The following CDC14A variants were observed in gnomAD, a reference collection of about 807,000 sequenced individuals.
CDC14A encodes the protein cell division cycle 14A.
CDC14A carries 53 observed loss-of-function variants against 74.4 expected under a neutral mutation model. That is an observed-to-expected ratio of 0.71 (90% confidence interval 0.57 to 0.89). The LOEUF (loss-of-function observed/expected upper bound fraction) is 0.89, where lower values mean the gene tolerates loss of function less well. CDC14A is among the 40% of genes least tolerant of loss of function. CDC14A has a pLI of 0.00. For missense variants in CDC14A, 646 were observed against 713.7 expected (o/e 0.91, Z 1.08); for synonymous variants, 247 against 258.4 (o/e 0.96, Z 0.43).
At chr1:100,490,563 C>T (rs1670507592) in intron 11 of CDC14A, among the ~76,000 whole-genome samples, 1 of 152,106 alleles carries the variant, frequency 6.6e-6, no homozygotes, top group Non-Finnish European at 1.5e-5. Flanking sequence ...ATGTGGTTTC[C>T]CGTACCCTAA....
intron 3 of CDC14A, among the ~76,000 whole-genome samples, chr1:100,381,925 A>G (rs1366418365): frequency 6.6e-6 from 1 of 152,220 alleles, no homozygotes; most frequent in Non-Finnish European, 1.5e-5. Context: ...ACAATTTGTT[A>G]AACTGTGTAT....
intron 5 of CDC14A, among the ~76,000 whole-genome samples, chr1:100,427,812 G>T (rs569055892): frequency 6.6e-6 from 1 of 152,268 alleles, no homozygotes; most frequent in East Asian, 1.9e-4. Flanking sequence ...TACATGTATA[G>T]GTGTGTAAAA....
At chr1:100,478,760 G>A (rs1029925926) in intron 10 of CDC14A, among the ~76,000 whole-genome samples, 6 of 152,120 alleles carry the variant, frequency 3.9e-5, no homozygotes, top group African/African-American at 1.4e-4. Flanking sequence ...AAATTCCCCT[G>A]TTCTACTTTA....
chr1:100,390,747 A>G lies in CDC14A; in HGVS notation c.232A>G (p.Arg78Gly), dbSNP rs755875156. Residue 78 changes from arginine (R) to glycine (G), a missense_variant, in exon 4 of 16, where the codon AGA (arginine) becomes GGA (glycine). By Grantham distance (125) the Arg-to-Gly change is moderately radical (BLOSUM62 -2). Coordinates refer to ENST00000336454, the MANE Select transcript of CDC14A (RefSeq NM_003672.4). The part of the protein sequence containing the change: ...NKKLKSYSLS[R>G]KKIVHYTCFD... The stretch of plus-strand genomic sequence containing the variant: ...CTCTTTCTAGTCATACAGTTTGTCA[A>G]GAAAGAAAATAGTGCACTACACCTG... 6.2e-7 allele frequency: 1 copy of G among 1,611,300 alleles called. No individual in the cohort carries two copies. The highest frequency in any genetic ancestry group is 8.5e-7 in the Non-Finnish European group (1 of 1,177,872).
rs371753966 is a variant in CDC14A at position 100,465,671 on chromosome 1, A to T, written c.839-2285A>T. Among the ~76,000 whole-genome samples the T allele has an allele frequency of 1.8e-4, 27 of 152,368 alleles. 1 individual carries two copies. The highest frequency in any genetic ancestry group is 6.0e-4 in the African/African-American group (25 of 41,586). On this transcript the variant is annotated intron_variant, in intron 9 of 15. Transcript: ENST00000336454. ...CGTAAAGTATTTTATACAGAGATAAACTAGAAACCAATTTGCTGGGGATTA... is the reference window on the plus strand; with the variant it reads ...CGTAAAGTATTTTATACAGAGATAATCTAGAAACCAATTTGCTGGGGATTA...
rs547849490 is a variant in CDC14A, at chr1:100,519,816, AAT to A, written c.*1539_*1540del. The A allele has an allele frequency of 9.8e-5, 15 of 152,680 alleles. No individual in the cohort carries two copies. In the South Asian group the frequency reaches 2.9e-3, roughly 29 times the overall value. 9.5% of individuals were successfully genotyped at this position (152,680 alleles called of 1,614,324 possible). The stretch of plus-strand genomic sequence containing the variant: ...ATCTTTTCTAAAGTTAAAAAAGTAA[AAT>A]ATTTTATTATGAGTTATTATAAAAA... On this transcript the variant is annotated 3_prime_UTR_variant, in exon 16 of 16. Transcript: ENST00000336454.
intron 4 of CDC14A, among the ~76,000 whole-genome samples, chr1:100,405,327 A>T (rs1381705429): frequency 6.6e-6 from 1 of 152,028 alleles, no homozygotes; most frequent in East Asian, 1.9e-4. Flanking sequence ...TGCTTTGCAC[A>T]CTCGCCCTTG....
chr1:100,365,635 G>C (rs1234353560), intron 2 of CDC14A, among the ~76,000 whole-genome samples: 1 of 152,184 alleles, frequency 6.6e-6, no homozygotes, highest in East Asian at 1.9e-4. Flanking sequence ...AGACTGCTGT[G>C]TGTGTGGGAA....
chr1:100,375,302 A>G (rs886642354), intron 2 of CDC14A, among the ~76,000 whole-genome samples: 2 of 152,220 alleles, frequency 1.3e-5, no homozygotes, highest in Non-Finnish European at 2.9e-5. Context: ...TCAGGAGATA[A>G]GGTCAGCCTG....
intron 5 of CDC14A, among the ~76,000 whole-genome samples, chr1:100,431,793 T>C (rs1474974529): frequency 6.6e-6 from 1 of 151,548 alleles, no homozygotes; most frequent in African/African-American, 2.4e-5. Context: ...GAGGCTGCAG[T>C]GAGTTATGAT....
In CDC14A at chr1:100,413,496, T is replaced by C. The variant is rs1661135437; in HGVS notation, c.310-10726T>C. On this transcript the variant is annotated intron_variant, in intron 4 of 15. Coordinates refer to ENST00000336454, the MANE Select transcript of CDC14A (RefSeq NM_003672.4). ...AATTTTAATTTTAAAAACAATTCTATGTACAGTTCCTTAAGTATATACTCT... is the reference window on the plus strand; with the variant it reads ...AATTTTAATTTTAAAAACAATTCTACGTACAGTTCCTTAAGTATATACTCT... Among the ~76,000 whole-genome samples, 3 of 152,244 alleles carry C rather than the reference T, an allele frequency of 2.0e-5. No individual in the cohort carries two copies. In the South Asian group the frequency reaches 6.2e-4, roughly 32 times the overall value.
At chr1:100,384,599 A>G (rs973852592) in intron 3 of CDC14A, among the ~76,000 whole-genome samples, 1 of 152,130 alleles carries the variant, frequency 6.6e-6, no homozygotes, top group African/African-American at 2.4e-5. Context: ...CACAACAGCT[A>G]CTCAATTCAT....
chr1:100,408,333 T>C (rs940089807), intron 4 of CDC14A, among the ~76,000 whole-genome samples: 11 of 152,228 alleles, frequency 7.2e-5, no homozygotes, highest in Non-Finnish European at 1.5e-4. Context: ...GGTATTTAGG[T>C]TGATTCCGTG....
rs116871739 is a variant in CDC14A, at chr1:100,415,020, T to C, written c.310-9202T>C. Among the ~76,000 whole-genome samples the C allele has an allele frequency of 4.6e-5, 7 of 152,192 alleles. No individual in the cohort carries two copies. The East Asian group carries it at 9.7e-4, about 21-fold the overall frequency. On this transcript the variant is annotated intron_variant, in intron 4 of 15. Coordinates refer to ENST00000336454, the MANE Select transcript of CDC14A (RefSeq NM_003672.4). ...ACTCACCTCAGGCAGAAGAGAAGCA[T>C]TGTGTCACTGAGACAATGCTAGCAA...
chr1:100,497,997 T>C (rs898900018), intron 13 of CDC14A, 88 bp from the exon 14 acceptor site: 12 of 1,386,338 alleles, frequency 8.7e-6, no homozygotes, highest in Middle Eastern at 1.9e-4. Context: ...ATCTTTAAGA[T>C]TGATTAATTT....
At chr1:100,374,893 G>T (rs949819706) in intron 2 of CDC14A, among the ~76,000 whole-genome samples, 1 of 152,166 alleles carries the variant, frequency 6.6e-6, no homozygotes, top group Non-Finnish European at 1.5e-5. Flanking sequence ...ATGAATACTT[G>T]TTTCTGCTTT....
At chr1:100,498,239 G>A (rs1303000434) in intron 14 of CDC14A, 32 bp downstream of exon 14, 26 of 1,605,486 alleles carry the variant, frequency 1.6e-5, no homozygotes, top group Non-Finnish European at 2.2e-5. Flanking sequence ...TAAGGTGCTG[G>A]TTTGAGGTAA....
rs148493364 is a variant in CDC14A, at chr1:100,439,844, C to T, written c.390-88C>T. ...GTTGATAGCTGTGAAGCCAAACAAG[C>T]ACATCTCCAGCTGACTTTGGTGTTA... On this transcript the variant is annotated intron_variant, in intron 5 of 15. Coordinates refer to ENST00000336454, the MANE Select transcript of CDC14A (RefSeq NM_003672.4). The T allele has an allele frequency of 4.1e-3, 3,605 of 877,266 alleles. 18 individuals are homozygous for T. Among genetic ancestry groups the T allele is most frequent in the Middle Eastern group, 6.9e-3 (21 of 3,032 alleles). The allele number at this position is 877,266 out of a possible 1,614,324, so 54.3% of individuals were successfully genotyped here.
Position 100,353,946 on chromosome 1 carries a change from C to G in CDC14A, c.140+94C>G, listed in dbSNP as rs1290727066. The G allele has an allele frequency of 1.3e-5, 9 of 696,026 alleles. No homozygotes were observed. In the African/African-American group the frequency reaches 1.6e-4, roughly 13 times the overall value. The allele number at this position is 696,026 out of a possible 1,614,324, so 43.1% of individuals were successfully genotyped here. A position where few individuals can be genotyped will look rare whatever the true frequency, so the allele number is the denominator to read the frequency against. ...ACTTTTATGGCAGTTTTATTCATTT[C>G]CCCCCCAATGATACGAGTAACAATA... On this transcript the variant is annotated intron_variant, in intron 2 of 15. Coordinates refer to ENST00000336454, the MANE Select transcript of CDC14A (RefSeq NM_003672.4).
Sources: allele counts gnomAD v4.1 joint callset (sites outside exome capture counted in the v4.1 genomes callset), GRCh38; gene constraint gnomAD v4.1.1; transcripts MANE v1.5; gene names NCBI Gene and HGNC (gene_info 2026-07-23, HGNC 2026-07-21).